DOK6: variants seen among roughly 807,000 people sequenced by gnomAD.
DOK6 encodes the protein downstream of tyrosine kinase 6.
A neutral mutation model predicts 44.0 loss-of-function variants in DOK6; 22 were observed. The ratio of observed to expected loss-of-function variants is 0.50; its 90% CI spans 0.36 to 0.71. The LOEUF (loss-of-function observed/expected upper bound fraction) is 0.71. Among genes scored for constraint, DOK6 ranks in the 30% least tolerant of loss-of-function variants. DOK6 has a pLI of 0.00. For synonymous variants in DOK6, 166 were observed against 145.5 expected (o/e 1.14, Z -1.01); for missense variants, 340 against 416.4 (o/e 0.82, Z 1.60).
At position 69,407,660 on chromosome 18, in the gene DOK6, G is replaced by T. The variant is rs773984799; in HGVS notation, c.66+6350G>T. On this transcript the variant is annotated intron_variant, in intron 1 of 7. Coordinates refer to ENST00000382713, the MANE Select transcript of DOK6 (RefSeq NM_152721.6). ...CTCAATGAGAATATTGCACCTGTCA[G>T]TCAAAGTGGATAGAATAAGTAATGA... 7.2e-5 allele frequency among the ~76,000 whole-genome samples: 11 copies of T among 152,140 alleles called. 1 individual carries two copies. Among genetic ancestry groups the T allele is most frequent in the Non-Finnish European group, 1.6e-4 (11 of 68,012 alleles).
At chr18:69,799,375 T>G (rs1458000714) in intron 7 of DOK6, among the ~76,000 whole-genome samples, 1 of 152,004 alleles carries the variant, frequency 6.6e-6, no homozygotes, top group East Asian at 1.9e-4. Flanking sequence ...TAAATGAGAT[T>G]ATTAATCTTG....
intron 5 of DOK6, among the ~76,000 whole-genome samples, chr18:69,701,266 T>C (rs1284996075): frequency 6.6e-6 from 1 of 152,244 alleles, no homozygotes; most frequent in Non-Finnish European, 1.5e-5. Context: ...GTAATCATCC[T>C]CAGCGCAGCA....
chr18:69,744,174 G>A (rs1978899244), intron 6 of DOK6, among the ~76,000 whole-genome samples: 1 of 152,062 alleles, frequency 6.6e-6, no homozygotes, highest in Non-Finnish European at 1.5e-5. Context: ...AGCTGGTGTG[G>A]TGGTGGGTGC....
At chr18:69,779,992 TA>T (rs1980211701) in intron 7 of DOK6, among the ~76,000 whole-genome samples, 1 of 152,166 alleles carries the variant, frequency 6.6e-6, no homozygotes, top group South Asian at 2.1e-4. Context: ...GAAAATATTT[TA>T]TTTAGAATTG....
At chr18:69,751,551 G>C (rs767729052) in intron 6 of DOK6, among the ~76,000 whole-genome samples, 3 of 152,170 alleles carry the variant, frequency 2.0e-5, no homozygotes, top group Non-Finnish European at 4.4e-5. Flanking sequence ...ATATTTGAGT[G>C]TGTGTAGAGA....
At chr18:69,418,703 C>A (rs1046649813) in intron 1 of DOK6, among the ~76,000 whole-genome samples, 1 of 151,924 alleles carries the variant, frequency 6.6e-6, no homozygotes, top group Non-Finnish European at 1.5e-5. Flanking sequence ...AACTCCTAGC[C>A]TTAAGCAATC....
chr18:69,737,991 T>TAA, intron 5 of DOK6, among the ~76,000 whole-genome samples: 1 of 152,244 alleles, frequency 6.6e-6, no homozygotes, highest in Non-Finnish European at 1.5e-5. Context: ...TGTTTCACTT[T>TAA]GTGAAAACTC....
intron 1 of DOK6, chr18:69,471,863 C>A (rs1331142114): frequency 6.6e-6 from 1 of 152,188 alleles, no homozygotes; most frequent in Non-Finnish European, 1.5e-5. Flanking sequence ...TGCCTCTACT[C>A]TCAATGATGA....
chr18:69,468,948 A>G (rs1450901972), intron 1 of DOK6, among the ~76,000 whole-genome samples: 2 of 152,200 alleles, frequency 1.3e-5, no homozygotes, highest in Non-Finnish European at 2.9e-5. Flanking sequence ...CCGCACCCGG[A>G]TTTTCTGACT....
At chr18:69,749,900 C>T (rs1393163932) in intron 6 of DOK6, among the ~76,000 whole-genome samples, 41 of 149,148 alleles carry the variant, frequency 2.7e-4, no homozygotes, top group African/African-American at 2.5e-4. Flanking sequence ...ACCAAGACTG[C>T]GCCACTGCAC....
At position 69,599,369 on chromosome 18, in the gene DOK6, A is replaced by AT; in HGVS notation, c.175-9dup. 1.9e-6 allele frequency: 3 copies of AT among 1,591,494 alleles called. No homozygotes were observed. Among genetic ancestry groups the AT allele is most frequent in the Non-Finnish European group, 2.6e-6 (3 of 1,163,606 alleles). ...ACATACTGTACACTAAGTTAAATAT[A>AT]TTTTTTCTTTCAAGGTAACTGAACT... On this transcript the variant is annotated splice_polypyrimidine_tract_variant and intron_variant, in intron 2 of 7. Coordinates refer to ENST00000382713, the MANE Select transcript of DOK6 (RefSeq NM_152721.6).
intron 2 of DOK6, among the ~76,000 whole-genome samples, chr18:69,590,587 C>A (rs1186852361): frequency 6.6e-6 from 1 of 152,106 alleles, no homozygotes; most frequent in East Asian, 1.9e-4. Flanking sequence ...GCAACTAAAT[C>A]ATGGAAAGCC....
intron 6 of DOK6, among the ~76,000 whole-genome samples, chr18:69,744,936 A>AC (rs1360169080): frequency 6.6e-6 from 1 of 151,154 alleles, no homozygotes; most frequent in Non-Finnish European, 1.5e-5. Context: ...AAAAAAAAAA[A>AC]AAAAAAAAAA....
chr18:69,510,307 T>C (rs192283020), intron 1 of DOK6, among the ~76,000 whole-genome samples: 52 of 152,326 alleles, frequency 3.4e-4, no homozygotes, highest in African/African-American at 1.3e-3. Flanking sequence ...TTGCTTTTAG[T>C]TAATATTAAC....
chr18:69,826,614 A>G (rs1451476681), intron 7 of DOK6, among the ~76,000 whole-genome samples: 22 of 152,160 alleles, frequency 1.4e-4, no homozygotes, highest in Non-Finnish European at 3.2e-4. Context: ...CTCCATTTTC[A>G]TGAATCTCTG....
rs1343358211 is a variant in DOK6, at chr18:69,789,561, C to T, written c.856+31688C>T. 2.0e-5 allele frequency among the ~76,000 whole-genome samples: 3 copies of T among 152,048 alleles called. No individual in the cohort carries two copies. The East Asian group carries it at 5.8e-4, about 29-fold the overall frequency. On this transcript the variant is annotated intron_variant, in intron 7 of 7. Transcript: ENST00000382713. ...TATAATACCACAAGAAACTGCTGGTCACTGTACTCCTTTTTATAGTGGGGT... is the reference window on the plus strand; with the variant it reads ...TATAATACCACAAGAAACTGCTGGTTACTGTACTCCTTTTTATAGTGGGGT...
At chr18:69,763,081 T>C (rs1979614364) in intron 7 of DOK6, among the ~76,000 whole-genome samples, 2 of 152,186 alleles carry the variant, frequency 1.3e-5, no homozygotes, top group South Asian at 4.1e-4. Context: ...AAGGGTGCTC[T>C]CAAAGAATAA....
At chr18:69,709,986 T>C (rs539141383) in intron 5 of DOK6, among the ~76,000 whole-genome samples, 41 of 152,296 alleles carry the variant, frequency 2.7e-4, no homozygotes, top group African/African-American at 9.4e-4. Flanking sequence ...AAGAGCAGAC[T>C]TGGCAACATA....
chr18:69,768,430 T>G (rs908314603), intron 7 of DOK6, among the ~76,000 whole-genome samples: 3 of 151,778 alleles, frequency 2.0e-5, no homozygotes, highest in Non-Finnish European at 1.5e-5. Flanking sequence ...CTTCACAAAT[T>G]GTAAACTACA....
Sources: allele counts gnomAD v4.1 joint callset (sites outside exome capture counted in the v4.1 genomes callset), GRCh38; gene constraint gnomAD v4.1.1; transcripts MANE v1.5; gene names NCBI Gene and HGNC (gene_info 2026-07-23, HGNC 2026-07-21).